GTF2H3: variants seen among roughly 807,000 people sequenced by gnomAD.
GTF2H3 encodes general transcription factor IIH subunit 3.
A neutral mutation model predicts 51.1 loss-of-function variants in GTF2H3; 42 were observed. The observed-to-expected ratio is 0.82, with a 90% CI of 0.64 to 1.06. The LOEUF is 1.06. Among genes scored for constraint, GTF2H3 ranks in the 50% least tolerant of loss-of-function variants. GTF2H3 has a pLI of 0.00. For missense variants in GTF2H3, 326 were observed against 366.1 expected (o/e 0.89, Z 0.89); for synonymous variants, 123 against 123.8 (o/e 0.99, Z 0.04).
chr12:123,649,645 G>A (rs1395797135), intron 4 of GTF2H3: 3 of 152,188 alleles, frequency 2.0e-5, no homozygotes, highest in Non-Finnish European at 4.4e-5. Flanking sequence ...TGCAGGTGAT[G>A]GTTTCCAAAC....
At chr12:123,650,946 C>A in intron 4 of GTF2H3, 48 bp from the exon 5 acceptor site, 1 of 1,296,536 alleles carries the variant, frequency 7.7e-7, no homozygotes, top group South Asian at 1.2e-5. Context: ...GATTTTAGTT[C>A]AAGAAAGTAC....
At position 123,647,986 on chromosome 12, in the gene GTF2H3, A is replaced by G. The variant is rs749339917; in HGVS notation, c.224A>G (p.Asn75Ser). The change falls in exon 4 of 13, where the codon AAT becomes AGT. Residue 75 changes from asparagine to serine, a missense_variant. Physicochemically the swap from Asn to Ser is conservative, Grantham distance 46 (BLOSUM62 1). Coordinates refer to ENST00000543341, the MANE Select transcript of GTF2H3 (RefSeq NM_001516.5). The stretch of plus-strand genomic sequence containing the variant: ...AGCCGATTCTTATATCCTGGAAAGA[A>G]TGGCAGACTTGGAGACTTCTTCGGA... ...QESRFLYPGK[N>S]GRLGDFFGDP... 3.1e-6 allele frequency: 5 copies of G among 1,613,834 alleles called. No homozygotes were observed. In the Admixed American group the frequency reaches 6.7e-5, roughly 22 times the overall value.
intron 9 of GTF2H3, among the ~76,000 whole-genome samples, chr12:123,657,074 C>T (rs1955595783): frequency 6.6e-6 from 1 of 151,750 alleles, no homozygotes; most frequent in Non-Finnish European, 1.5e-5. Context: ...CCCTGTCTCC[C>T]TCTTAAGAAA....
At chr12:123,655,233 G>C (rs112455375) in intron 8 of GTF2H3, among the ~76,000 whole-genome samples, 1 of 152,130 alleles carries the variant, frequency 6.6e-6, no homozygotes, top group Non-Finnish European at 1.5e-5. Context: ...GAGTTTCATG[G>C]TATTCAGGTA....
At chr12:123,659,279 A>C (rs1223620228) in intron 9 of GTF2H3, 1 of 447,246 alleles carries the variant, frequency 2.2e-6, no homozygotes, top group Non-Finnish European at 4.1e-6. Flanking sequence ...AGGCAGGAGA[A>C]TCACTTGAAC....
intron 3 of GTF2H3, among the ~76,000 whole-genome samples, chr12:123,647,416 G>T (rs1436327160): frequency 6.6e-6 from 1 of 151,876 alleles, no homozygotes; most frequent in African/African-American, 2.4e-5. Flanking sequence ...AAGTTGCAGT[G>T]AGCTGAGACT....
intron 1 of GTF2H3, 133 bp from the exon 2 acceptor site, chr12:123,639,131 C>A (rs572685384): frequency 3.5e-6 from 2 of 573,940 alleles, no homozygotes; most frequent in East Asian, 5.8e-5. Context: ...CTGTTAATCT[C>A]ATAATTATAA....
chr12:123,657,473 G>C (rs918133232), intron 9 of GTF2H3, among the ~76,000 whole-genome samples: 4 of 152,180 alleles, frequency 2.6e-5, no homozygotes, highest in African/African-American at 9.7e-5. Flanking sequence ...CTGCTCGCAA[G>C]CTCTTCCCGC....
At chr12:123,659,674 T>A in intron 10 of GTF2H3, 90 bp downstream of exon 10, 1 of 1,471,614 alleles carries the variant, frequency 6.8e-7, no homozygotes, top group Non-Finnish European at 9.5e-7. Context: ...TGGCTGGTGC[T>A]AGTACTCAGG....
intron 5 of GTF2H3, 157 bp downstream of exon 5, chr12:123,651,213 A>G (rs1201965486): frequency 3.7e-6 from 2 of 537,238 alleles, no homozygotes; most frequent in African/African-American, 3.9e-5. Context: ...TTGGCTTTGA[A>G]TTTTTTTTTC....
intron 9 of GTF2H3, among the ~76,000 whole-genome samples, chr12:123,658,098 C>T (rs963630618): frequency 6.6e-6 from 1 of 152,112 alleles, no homozygotes; most frequent in African/African-American, 2.4e-5. Flanking sequence ...CTTGCTCTTG[C>T]CCAGGCTGGA....
chr12:123,635,741 A>G (rs1345037033), intron 1 of GTF2H3, among the ~76,000 whole-genome samples: 1 of 152,190 alleles, frequency 6.6e-6, no homozygotes, highest in East Asian at 1.9e-4. Flanking sequence ...TTATCCTAGG[A>G]TTAGCAAATT....
chr12:123,650,989 T>G lies in GTF2H3; in HGVS notation c.365-5T>G. On this transcript the variant is annotated splice_region_variant and splice_polypyrimidine_tract_variant and intron_variant, in intron 4 of 12. Coordinates refer to ENST00000543341, the MANE Select transcript of GTF2H3 (RefSeq NM_001516.5). ...TTCCCTTTTAATGTTTTCTGTTATTTGCAGGTGACATAAAGGGTCAACATA... is the reference window on the plus strand; with the variant it reads ...TTCCCTTTTAATGTTTTCTGTTATTGGCAGGTGACATAAAGGGTCAACATA... The G allele has an allele frequency of 6.2e-7, 1 of 1,606,812 alleles. No individual in the cohort carries two copies.
intron 2 of GTF2H3, among the ~76,000 whole-genome samples, chr12:123,643,066 T>C (rs1201363402): frequency 2.0e-5 from 3 of 152,082 alleles, no homozygotes; most frequent in Non-Finnish European, 4.4e-5. Flanking sequence ...TTAGTAGAGA[T>C]GGGGTTTCAC....
intron 4 of GTF2H3, chr12:123,649,634 C>G (rs954118467): frequency 1.3e-5 from 2 of 152,210 alleles, no homozygotes; most frequent in African/African-American, 4.8e-5. Context: ...TCCCTGCTGC[C>G]TGCAGGTGAT....
intron 2 of GTF2H3, chr12:123,639,850 A>AGT (rs1403885762): frequency 2.4e-6 from 1 of 411,916 alleles, no homozygotes; most frequent in African/African-American, 2.0e-5. Flanking sequence ...TACAGACCTA[A>AGT]GCAGATTGCA....
chr12:123,653,331 G>C (rs1298740179), intron 7 of GTF2H3, among the ~76,000 whole-genome samples: 2 of 151,642 alleles, frequency 1.3e-5, no homozygotes, highest in Non-Finnish European at 2.9e-5. Context: ...ATATCAGGGA[G>C]GTTTTTTTTT....
intron 9 of GTF2H3, among the ~76,000 whole-genome samples, chr12:123,658,489 C>G (rs2135801400): frequency 6.6e-6 from 1 of 152,200 alleles, no homozygotes; most frequent in South Asian, 2.1e-4. Context: ...GCCACCGCGC[C>G]CGGCCTAATT....
At chr12:123,646,255 C>CTTT (rs34427180) in intron 3 of GTF2H3, among the ~76,000 whole-genome samples, 2 of 135,832 alleles carry the variant, frequency 1.5e-5, no homozygotes, top group African/African-American at 2.7e-5. Context: ...TCTTCTATGT[C>CTTT]TTTTTTTTTT....
Sources: allele counts gnomAD v4.1 joint callset (sites outside exome capture counted in the v4.1 genomes callset), GRCh38; gene constraint gnomAD v4.1.1; transcripts MANE v1.5; gene names NCBI Gene and HGNC (gene_info 2026-07-23, HGNC 2026-07-21).